GFPT1: variants seen among roughly 807,000 people sequenced by gnomAD.
The protein encoded by GFPT1 is glutamine--fructose-6-phosphate aminotransferase [isomerizing] 1.
A neutral mutation model predicts 92.0 loss-of-function variants in GFPT1; 40 were observed. The ratio of observed to expected loss-of-function variants is 0.43; its 90% CI spans 0.34 to 0.57. The LOEUF (loss-of-function observed/expected upper bound fraction) is 0.57, where lower values mean the gene tolerates loss of function less well. Ranked by LOEUF, GFPT1 falls within the 20% of genes least tolerant of loss-of-function variation. The probability of loss-of-function intolerance (pLI) is 0.02; values close to 1 mark genes in which losing one functional copy is unlikely to be tolerated. For missense variants in GFPT1, 448 were observed against 869.1 expected, an observed-to-expected ratio of 0.52 and a Z score of 6.09; for synonymous variants, 269 against 280.6, an observed-to-expected ratio of 0.96 and a Z score of 0.41.
At position 69,369,919 on chromosome 2, in the gene GFPT1, G is replaced by T. The variant is rs528739528; in HGVS notation, c.223+82C>A. ...TTAAAATTGGTCCCAAAATATGGGG[G>T]GAGGGAGTAACTTAGAGGAGAATGG... On this transcript the variant is annotated intron_variant, in intron 3 of 19. Transcript: ENST00000357308. 1.4e-5 allele frequency: 12 copies of T among 833,034 alleles called. No individual in the cohort carries two copies. The African/African-American group carries it at 2.0e-4, about 14-fold the overall frequency. 51.6% of individuals were successfully genotyped at this position (833,034 alleles called of 1,614,324 possible).
At chr2:69,337,033 A>G (rs1279735341) in intron 15 of GFPT1, among the ~76,000 whole-genome samples, 1 of 151,616 alleles carries the variant, frequency 6.6e-6, no homozygotes, top group Non-Finnish European at 1.5e-5. Context: ...ACTCATTAAA[A>G]AATTTTTTTT....
At chr2:69,328,094 CAAA>C (rs1175703265) in intron 18 of GFPT1, among the ~76,000 whole-genome samples, 174 bp downstream of exon 18, 12 of 82,730 alleles carry the variant, frequency 1.5e-4, no homozygotes, top group Non-Finnish European at 9.5e-5. Context: ...GACTCCATCT[CAAA>C]AAAAAAAAAA....
At chr2:69,382,977 C>T (rs988993146) in intron 1 of GFPT1, among the ~76,000 whole-genome samples, 1 of 152,186 alleles carries the variant, frequency 6.6e-6, no homozygotes, top group Admixed American at 6.5e-5. Flanking sequence ...GCAGCAATTT[C>T]TTGAAGGCAA....
intron 15 of GFPT1, among the ~76,000 whole-genome samples, chr2:69,333,005 G>A (rs958013426): frequency 2.6e-5 from 4 of 151,922 alleles, no homozygotes; most frequent in Admixed American, 1.3e-4. Context: ...CTCCACAACT[G>A]CCTCCCTGTA....
In GFPT1 at chr2:69,329,169, C is replaced by A. The variant is rs60710948; in HGVS notation, c.1725+128G>T. 0.019 allele frequency: 17,727 copies of A among 914,672 alleles called. 1,178 individuals are homozygous for A. The highest frequency in any genetic ancestry group is 0.19 in the East Asian group (7,667 of 40,816). The allele number at this position is 914,672 out of a possible 1,614,324, so 56.7% of individuals were successfully genotyped here. A position where few individuals can be genotyped will look rare whatever the true frequency, so the allele number is the denominator to read the frequency against. Reference sequence around the variant, plus strand: ...GTTGCACTTTCTCAAAGTAAACAAACCACAATGCATAAATACAGAAGCACT... The same window carrying A: ...GTTGCACTTTCTCAAAGTAAACAAAACACAATGCATAAATACAGAAGCACT... On this transcript the variant is annotated intron_variant, in intron 17 of 19. Coordinates refer to ENST00000357308, the MANE Select transcript of GFPT1 (RefSeq NM_001244710.2).
intron 1 of GFPT1, among the ~76,000 whole-genome samples, chr2:69,381,254 A>G (rs1328960887): frequency 1.3e-5 from 2 of 152,198 alleles, no homozygotes; most frequent in Non-Finnish European, 2.9e-5. Flanking sequence ...AAGTGCTGGG[A>G]TTATAGGCGT....
At position 69,370,106 on chromosome 2, in the gene GFPT1, C is replaced by A. The variant is rs1247230551; in HGVS notation, c.118G>T (p.Val40Leu). ...LEYRGYDSAG[V>L]GFDGGNDKDW... ...TTATCATTGCCTCCATCAAATCCCA[C>A]ACCTAAACCATCATGAGGTAAAAAA... Residue 40 changes from valine (V) to leucine (L), a missense_variant and splice_region_variant, in exon 3 of 20, where the codon GTG (valine) becomes TTG (leucine). Around this residue, in one of 7 missense-constraint regions of GFPT1, gnomAD observed 72 missense variants for 95.1 expected, o/e 0.76. Coordinates refer to ENST00000357308, the MANE Select transcript of GFPT1 (RefSeq NM_001244710.2). The A allele has an allele frequency of 1.3e-6, 2 of 1,591,396 alleles. No homozygotes were observed. Among genetic ancestry groups the A allele is most frequent in the Non-Finnish European group, 1.7e-6 (2 of 1,159,388 alleles).
At chr2:69,377,531 G>A (rs553338194) in intron 1 of GFPT1, among the ~76,000 whole-genome samples, 5 of 151,214 alleles carry the variant, frequency 3.3e-5, no homozygotes, top group Admixed American at 6.6e-5. Flanking sequence ...GTGGTGGCAC[G>A]TGCCTGTAGT....
At chr2:69,370,670 G>C (rs1240923631) in intron 2 of GFPT1, among the ~76,000 whole-genome samples, 2 of 152,174 alleles carry the variant, frequency 1.3e-5, no homozygotes, top group African/African-American at 2.4e-5. Flanking sequence ...AAAAGCTACA[G>C]CTACAGCAAA....
chr2:69,351,791 A>T (rs13016371), intron 9 of GFPT1, among the ~76,000 whole-genome samples: 3,428 of 152,338 alleles, frequency 0.023, 55 homozygotes, highest in Non-Finnish European at 0.035. Flanking sequence ...TAGAAAAATA[A>T]CATATTAGTG....
rs1011945693 is a variant in GFPT1 at position 69,355,651 on chromosome 2, G to A, written c.605+845C>T. Among the ~76,000 whole-genome samples, 10 of 152,100 alleles carry A rather than the reference G, an allele frequency of 6.6e-5. No homozygotes were observed. The East Asian group carries it at 1.5e-3, about 23-fold the overall frequency. ...TTTTTTTCCTTTGTAATGTTAAAGG[G>A]AACCTTCCTTTCAATTGTGCACAGA... On this transcript the variant is annotated intron_variant, in intron 7 of 19. Transcript: ENST00000357308.
chr2:69,334,738 G>A (rs919570221), intron 15 of GFPT1: 1 of 152,140 alleles, frequency 6.6e-6, no homozygotes, highest in African/African-American at 2.4e-5. Context: ...AGACACACAA[G>A]ACGTGTTATA....
In GFPT1 at chr2:69,387,123, G is replaced by A. The variant is rs1672148891; in HGVS notation, c.-52C>T. The A allele has an allele frequency of 6.6e-7, 1 of 1,519,688 alleles. No homozygotes were observed. The highest frequency in any genetic ancestry group is 1.2e-5 in the South Asian group (1 of 82,518). 94.1% of individuals were successfully genotyped at this position (1,519,688 alleles called of 1,614,324 possible). On this transcript the variant is annotated 5_prime_UTR_variant, in exon 1 of 20. Coordinates refer to ENST00000357308, the MANE Select transcript of GFPT1 (RefSeq NM_001244710.2). ...CAGGGGCGAGTGGCTGGCGGGATCG[G>A]GGGTGCACACACGAGCTTCGGTGGG...
intron 4 of GFPT1, 132 bp downstream of exon 4, chr2:69,363,413 C>A (rs1308399142): frequency 5.3e-6 from 5 of 951,380 alleles, no homozygotes; most frequent in East Asian, 5.2e-5. Flanking sequence ...TCCATATGCT[C>A]TCTACTACTT....
chr2:69,372,198 CAA>C (rs534920006), intron 2 of GFPT1, among the ~76,000 whole-genome samples: 12 of 52,742 alleles, frequency 2.3e-4, no homozygotes, highest in South Asian at 5.9e-4. Context: ...GACTCCATCT[CAA>C]AAAAAAAAAA....
At chr2:69,328,796 G>GT (rs1250866742) in intron 17 of GFPT1, among the ~76,000 whole-genome samples, 2 of 149,396 alleles carry the variant, frequency 1.3e-5, no homozygotes, top group African/African-American at 4.9e-5. Context: ...CACCTCCTAG[G>GT]TTCAAGTGAT....
At chr2:69,338,306 T>C (rs1276045735) in intron 14 of GFPT1, 139 bp downstream of exon 14, 6 of 804,764 alleles carry the variant, frequency 7.5e-6, no homozygotes, top group Middle Eastern at 5.8e-4. Flanking sequence ...TAAAGAATTA[T>C]GTAACATTAA....
intron 15 of GFPT1, among the ~76,000 whole-genome samples, chr2:69,336,339 C>CAAAAAAAAAAAA (rs61141681): frequency 1.0e-5 from 1 of 98,054 alleles, no homozygotes; most frequent in East Asian, 3.1e-4. Context: ...AGTCTGTCTC[C>CAAAAAAAAAAAA]AAAAAAAAAA....
intron 9 of GFPT1, among the ~76,000 whole-genome samples, chr2:69,351,354 A>G (rs1375856998): frequency 6.6e-6 from 1 of 152,228 alleles, no homozygotes; most frequent in Non-Finnish European, 1.5e-5. Flanking sequence ...AGACTACATA[A>G]ATGTCCTAGA....
Sources: allele counts gnomAD v4.1 joint callset (sites outside exome capture counted in the v4.1 genomes callset), GRCh38; gene constraint gnomAD v4.1.1; regional missense constraint gnomAD v4.1.1; transcripts MANE v1.5; gene names NCBI Gene and HGNC (gene_info 2026-07-23, HGNC 2026-07-21).